Variants in ZNF385C observed in about 807,000 individuals in gnomAD.
ZNF385C encodes the protein CTD-2132N18.2.
A neutral mutation model predicts 35.4 loss-of-function variants in ZNF385C; 28 were observed. The observed-to-expected ratio is 0.79, with a 90% CI of 0.59 to 1.08. The LOEUF (loss-of-function observed/expected upper bound fraction) is 1.08, where lower values mean the gene tolerates loss of function less well. ZNF385C is among the 50% of genes least tolerant of loss of function. ZNF385C has a pLI of 0.00. For synonymous variants in ZNF385C, 248 were observed against 248.2 expected (o/e 1.00, Z 0.01); for missense variants, 605 against 595.6 (o/e 1.02, Z -0.16).
intron 4 of ZNF385C, 78 bp from the exon 5 acceptor site, chr17:42,031,862 G>T: frequency 2.0e-6 from 3 of 1,496,964 alleles, no homozygotes; most frequent in Non-Finnish European, 2.7e-6. Context: ...GCCCAGCAGG[G>T]GGACAGGTCA....
Position 42,050,172 on chromosome 17 carries a change from A to G in ZNF385C, c.251-12287T>C, listed in dbSNP as rs2053251525. ...CCCTGACCAGCCGGATGGGAGCAGGAACAACTTGACAAGGACCCCAAGGCA... is the reference window on the plus strand; with the variant it reads ...CCCTGACCAGCCGGATGGGAGCAGGGACAACTTGACAAGGACCCCAAGGCA... On this transcript the variant is annotated intron_variant, in intron 2 of 8. Coordinates refer to ENST00000692273, the MANE Select transcript of ZNF385C (RefSeq NM_001392013.1). This position sits in a 1 kb window ranked among gnomAD's most constrained non-coding sequence, Gnocchi z 5.6. Among the ~76,000 whole-genome samples, 1 of 101,270 alleles carries G rather than the reference A, an allele frequency of 9.9e-6. No individual in the cohort carries two copies. The highest frequency in any genetic ancestry group is 2.5e-5 in the Non-Finnish European group (1 of 40,738). The allele number at this position is 101,270 out of a possible 152,430, so 66.4% of individuals were successfully genotyped here. A position where few individuals can be genotyped will look rare whatever the true frequency, so the allele number is the denominator to read the frequency against.
At chr17:42,064,069 C>CGCAT (rs1395108533) in intron 1 of ZNF385C, among the ~76,000 whole-genome samples, 5 of 94,990 alleles carry the variant, frequency 5.3e-5, no homozygotes, top group Non-Finnish European at 1.1e-4. Flanking sequence ...CGCGCACACG[C>CGCAT]ACATACACAC....
At chr17:42,043,331 T>A in intron 2 of ZNF385C, 1 of 1,232,256 alleles carries the variant, frequency 8.1e-7, no homozygotes, top group Non-Finnish European at 1.0e-6. Flanking sequence ...CACTTCTTGT[T>A]GGAGTTGGAG....
chr17:42,044,538 C>A (rs563082476), intron 2 of ZNF385C, among the ~76,000 whole-genome samples: 1 of 151,986 alleles, frequency 6.6e-6, no homozygotes, highest in South Asian at 2.1e-4. Context: ...ATCGCTTGAA[C>A]CCGGGAGGCG....
At chr17:42,087,702 G>A (rs1295646291) in intron 1 of ZNF385C, among the ~76,000 whole-genome samples, 1 of 152,166 alleles carries the variant, frequency 6.6e-6, no homozygotes, top group Non-Finnish European at 1.5e-5. Flanking sequence ...GAGACAGGAG[G>A]TTCACTTGAG....
At chr17:42,057,810 G>A (rs1473928340) in intron 2 of ZNF385C, among the ~76,000 whole-genome samples, 3 of 152,114 alleles carry the variant, frequency 2.0e-5, no homozygotes, top group Non-Finnish European at 4.4e-5. Context: ...GGGCATGGTG[G>A]CAGGTGCCTG....
chr17:42,042,754 T>A, intron 2 of ZNF385C: 1 of 1,077,128 alleles, frequency 9.3e-7, no homozygotes, highest in East Asian at 3.2e-5. Context: ...CCCAAGGAGC[T>A]GGCATGCTGG....
At chr17:42,035,118 C>CAAAAAA (rs1239388932) in intron 3 of ZNF385C, among the ~76,000 whole-genome samples, 12 of 81,250 alleles carry the variant, frequency 1.5e-4, no homozygotes, top group Non-Finnish European at 2.2e-4. Flanking sequence ...GACTCTGTCT[C>CAAAAAA]AAAAAAAAAA....
At chr17:42,046,926 G>A (rs1313471756) in intron 2 of ZNF385C, among the ~76,000 whole-genome samples, 15 of 149,778 alleles carry the variant, frequency 1.0e-4, no homozygotes, top group Non-Finnish European at 1.8e-4. Flanking sequence ...GCAGTGGTGC[G>A]ATCTCAGCTC....
intron 2 of ZNF385C, chr17:42,039,593 C>T: frequency 1.9e-6 from 2 of 1,039,002 alleles, no homozygotes; most frequent in South Asian, 1.0e-4. Flanking sequence ...GCCTCAGGCC[C>T]CTGGGAGGCT....
chr17:42,076,310 A>G (rs1555659260), intron 1 of ZNF385C, among the ~76,000 whole-genome samples: 1 of 152,174 alleles, frequency 6.6e-6, no homozygotes, highest in African/African-American at 2.4e-5. Context: ...ACTACTCTCC[A>G]GATTTTGAAG....
At chr17:42,064,857 A>T (rs1197216184) in intron 1 of ZNF385C, among the ~76,000 whole-genome samples, 1 of 151,560 alleles carries the variant, frequency 6.6e-6, no homozygotes, top group African/African-American at 2.4e-5. Context: ...GAGCCACTGC[A>T]CCCAGTGGGA....
intron 6 of ZNF385C, 123 bp from the exon 7 acceptor site, chr17:42,028,369 C>T (rs563994091): frequency 6.2e-4 from 607 of 983,604 alleles, no homozygotes; most frequent in Admixed American, 9.0e-4. Flanking sequence ...GTGCACACAT[C>T]GCCCTCCAGC....
Position 42,071,649 on chromosome 17 carries a change from G to A in ZNF385C, c.-2-8591C>T, listed in dbSNP as rs528576515. Among the ~76,000 whole-genome samples the A allele has an allele frequency of 1.9e-3, 282 of 152,302 alleles. 1 individual carries two copies. The highest frequency in any genetic ancestry group is 6.2e-3 in the African/African-American group (258 of 41,560). On this transcript the variant is annotated intron_variant, in intron 1 of 8. Transcript: ENST00000692273. ...CCCCTGTCCTTGCCTCTGCTGCCAG[G>A]CAAAGCCCAGGAAATCTGACCTATT...
rs546823521 is a variant in ZNF385C at position 42,074,041 on chromosome 17, C to T, written c.-2-10983G>A. Among the ~76,000 whole-genome samples the T allele has an allele frequency of 7.2e-5, 11 of 152,354 alleles. No homozygotes were observed. The South Asian group carries it at 2.3e-3, about 32-fold the overall frequency. On this transcript the variant is annotated intron_variant, in intron 1 of 8. Coordinates refer to ENST00000692273, the MANE Select transcript of ZNF385C (RefSeq NM_001392013.1). ...ATCCTCCCAACATTCACAGAGATAC[C>T]TCCTTGTCACTCAGGCCCCAGCTCA...
At chr17:42,083,360 G>A (rs1489138134) in intron 1 of ZNF385C, among the ~76,000 whole-genome samples, 2 of 150,780 alleles carry the variant, frequency 1.3e-5, no homozygotes, top group Non-Finnish European at 3.0e-5. Flanking sequence ...CCGCCAACAC[G>A]CCCCCGCTAA....
intron 1 of ZNF385C, among the ~76,000 whole-genome samples, chr17:42,096,337 G>A (rs1318236336): frequency 6.6e-6 from 1 of 152,202 alleles, no homozygotes; most frequent in Non-Finnish European, 1.5e-5. Context: ...AGAGTCACAG[G>A]TATGGAGAAT....
intron 1 of ZNF385C, among the ~76,000 whole-genome samples, chr17:42,090,055 C>A (rs2053848784): frequency 6.6e-6 from 1 of 152,152 alleles, no homozygotes; most frequent in African/African-American, 2.4e-5. Context: ...TAACTCCCCA[C>A]CTTCCAGCCA....
chr17:42,033,321 T>C (rs1228110162), intron 4 of ZNF385C, among the ~76,000 whole-genome samples: 1 of 152,212 alleles, frequency 6.6e-6, no homozygotes, highest in Non-Finnish European at 1.5e-5. Context: ...TAGGCTGTAG[T>C]AGAAAGTCAT....
Sources: allele counts gnomAD v4.1 joint callset (sites outside exome capture counted in the v4.1 genomes callset), GRCh38; gene constraint gnomAD v4.1.1; non-coding constraint Gnocchi (gnomAD v3.1); transcripts MANE v1.5; gene names NCBI Gene and HGNC (gene_info 2026-07-23, HGNC 2026-07-21).